Variants in ADGRB1 observed in about 807,000 individuals in gnomAD.
The protein encoded by ADGRB1 is adhesion G protein-coupled receptor B1, also known as brain-specific angiogenesis inhibitor 1.
Under a neutral mutation model 175.7 loss-of-function variants are expected in ADGRB1, and 36 were observed. The ratio of observed to expected loss-of-function variants is 0.20; its 90% CI spans 0.16 to 0.27. The LOEUF (loss-of-function observed/expected upper bound fraction) is 0.27. Among genes scored for constraint, ADGRB1 ranks in the 10% least tolerant of loss-of-function variants. The pLI is 1.00. For missense variants in ADGRB1, 1,731 were observed against 2,255.3 expected, an observed-to-expected ratio of 0.77 and a Z score of 4.71; for synonymous variants, 1,054 against 979.4, an observed-to-expected ratio of 1.08 and a Z score of -1.42.
At chr8:142,532,223 G>A (rs980990697) in intron 24 of ADGRB1, among the ~76,000 whole-genome samples, 2 of 152,188 alleles carry the variant, frequency 1.3e-5, no homozygotes, top group African/African-American at 2.4e-5. Context: ...GGCCTCCTGC[G>A]GGCAGGCACA....
intron 14 of ADGRB1, among the ~76,000 whole-genome samples, 172 bp from the exon 15 acceptor site, chr8:142,488,863 G>C (rs1402356186): frequency 6.6e-6 from 1 of 152,200 alleles, no homozygotes; most frequent in African/African-American, 2.4e-5. Context: ...CCAGCTCCCT[G>C]GCTGCAGCAC....
chr8:142,544,437 G>C lies in ADGRB1; in HGVS notation c.*20G>C. The C allele has an allele frequency of 2.1e-6, 3 of 1,455,182 alleles. No individual in the cohort carries two copies. Among genetic ancestry groups the C allele is most frequent in the Non-Finnish European group, 2.7e-6 (3 of 1,104,066 alleles). The allele number at this position is 1,455,182 out of a possible 1,614,324, so 90.1% of individuals were successfully genotyped here. The stretch of plus-strand genomic sequence containing the variant: ...GTCTGAGCGGGTGGGCGGCGGCCAC[G>C]CACTGGGCCACGGAGGAGGGATGCT... On this transcript the variant is annotated 3_prime_UTR_variant, in exon 31 of 31. Transcript: ENST00000517894.
chr8:142,481,667 AT>A lies in ADGRB1; in HGVS notation c.2090del (p.Phe697SerfsTer60). The A allele has an allele frequency of 6.2e-7, 1 of 1,604,994 alleles. No homozygotes were observed. On this transcript the variant is annotated frameshift_variant, in exon 11 of 31. Coordinates refer to ENST00000517894, the MANE Select transcript of ADGRB1 (RefSeq NM_001702.3). LOFTEE classifies it high-confidence loss of function. Reference protein sequence around the residue: ...TIDVLRNMTEIFRRAYYSPTP... With the variant: ...TIDVLRNMTEXFRRAYYSPTP... ...CGATGTCCTGAGGAACATGACAGAGATTTTCCGGAGAGCGTACTACAGCCCC... is the reference window on the plus strand; with the variant it reads ...CGATGTCCTGAGGAACATGACAGAGATTTCCGGAGAGCGTACTACAGCCCC...
chr8:142,536,616 C>T (rs192788375), intron 25 of ADGRB1, among the ~76,000 whole-genome samples: 1,588 of 152,238 alleles, frequency 0.01, 31 homozygotes, highest in Admixed American at 0.048. Context: ...GAGGAGGCAA[C>T]GACATTGAGG....
At position 142,488,430 on chromosome 8, in the gene ADGRB1, G is replaced by A. The variant is rs773487037; in HGVS notation, c.2375G>A (p.Arg792Gln). Residue 792 changes from arginine (R) to glutamine (Q), a missense_variant, in exon 14 of 31, where the codon CGG (arginine) becomes CAG (glutamine). This residue lies in a region of ADGRB1 where 388 missense variants were observed against 630.9 expected (regional missense o/e 0.61). Coordinates refer to ENST00000517894, the MANE Select transcript of ADGRB1 (RefSeq NM_001702.3). ...ATCAGCTTCCCCATGAAGGGCTGGCGGGCCACGGGTGACTGGGCCAAGGTG... is the reference window on the plus strand; with the variant it reads ...ATCAGCTTCCCCATGAAGGGCTGGCAGGCCACGGGTGACTGGGCCAAGGTG... ...TDISFPMKGW[R>Q]ATGDWAKVPE... 6.2e-6 allele frequency: 10 copies of A among 1,613,042 alleles called. No homozygotes were observed. The highest frequency in any genetic ancestry group is 1.1e-5 in the South Asian group (1 of 91,086).
At chr8:142,480,374 C>A (rs140423466) in intron 9 of ADGRB1, among the ~76,000 whole-genome samples, 1 of 152,286 alleles carries the variant, frequency 6.6e-6, no homozygotes, top group Non-Finnish European at 1.5e-5. Flanking sequence ...GTGTTCTCAT[C>A]TGTAGGATGA....
chr8:142,522,161 C>T (rs1400109017), intron 21 of ADGRB1, 46 bp downstream of exon 21: 1 of 1,586,384 alleles, frequency 6.3e-7, no homozygotes, highest in Non-Finnish European at 8.5e-7. Context: ...ACCCTTCCTC[C>T]CCCACTGCTT....
At chr8:142,476,248 G>A (rs1289258109) in intron 3 of ADGRB1, among the ~76,000 whole-genome samples, 1 of 152,228 alleles carries the variant, frequency 6.6e-6, no homozygotes, top group African/African-American at 2.4e-5. Context: ...CAGGAGCCTG[G>A]GGAGGGCCCC....
intron 24 of ADGRB1, among the ~76,000 whole-genome samples, chr8:142,527,971 G>GT (rs888689168): frequency 1.3e-5 from 2 of 152,216 alleles, no homozygotes; most frequent in African/African-American, 4.8e-5. Context: ...ACCTCACCCT[G>GT]TGTGTGCCAC....
intron 2 of ADGRB1, among the ~76,000 whole-genome samples, chr8:142,465,690 G>A (rs1840239132): frequency 6.6e-6 from 1 of 152,216 alleles, no homozygotes; most frequent in Admixed American, 6.5e-5. Flanking sequence ...AGCAATGAGA[G>A]CCTTGCACTA....
chr8:142,490,887 G>A (rs1841948494), intron 17 of ADGRB1, 72 bp downstream of exon 17: 3 of 1,523,046 alleles, frequency 2.0e-6, no homozygotes, highest in African/African-American at 1.4e-5. Flanking sequence ...CAGTAGGGGA[G>A]GGGTGCAGGT....
intron 25 of ADGRB1, among the ~76,000 whole-genome samples, chr8:142,533,959 C>T (rs1474776357): frequency 6.6e-6 from 1 of 152,238 alleles, no homozygotes; most frequent in African/African-American, 2.4e-5. Context: ...GCATGTCGAC[C>T]TGGGTGGCGT....
Position 142,536,971 on chromosome 8 carries a change from G to T in ADGRB1, c.3571-16G>T. ...GGGCGTGGCTGCCACTGAGGTGCTC[G>T]GCTCTCCCTCCCCAGGTCCAGGACG... is the stretch of plus-strand genomic sequence containing the variant. On this transcript the variant is annotated splice_polypyrimidine_tract_variant and intron_variant, in intron 25 of 30. Transcript: ENST00000517894. 6.4e-7 allele frequency: 1 copy of T among 1,569,730 alleles called. No individual in the cohort carries two copies. Among genetic ancestry groups the T allele is most frequent in the Non-Finnish European group, 8.6e-7 (1 of 1,159,116 alleles).
rs1374572477 is a variant in ADGRB1, at chr8:142,455,913, G to T, written c.-220+5809G>T. 6.6e-6 allele frequency among the ~76,000 whole-genome samples: 1 copy of T among 152,160 alleles called. No homozygotes were observed. Among genetic ancestry groups the T allele is most frequent in the Non-Finnish European group, 1.5e-5 (1 of 68,028 alleles). ...GTTGGCATCTCTGTGACAGGAGGGT[G>T]GGTGGCCCTACCTGCCTGTCCCGGA... is the stretch of plus-strand genomic sequence containing the variant. On this transcript the variant is annotated intron_variant, in intron 1 of 30. Coordinates refer to ENST00000517894, the MANE Select transcript of ADGRB1 (RefSeq NM_001702.3). This position sits in a 1 kb window ranked among gnomAD's most constrained non-coding sequence, Gnocchi z 4.9.
chr8:142,535,423 G>C (rs980010951), intron 25 of ADGRB1, among the ~76,000 whole-genome samples: 1 of 152,204 alleles, frequency 6.6e-6, no homozygotes. Context: ...TGAGCTCCCA[G>C]CCCCTGTGTG....
chr8:142,479,896 G>A, intron 9 of ADGRB1, 102 bp downstream of exon 9: 1 of 1,293,108 alleles, frequency 7.7e-7, no homozygotes, highest in East Asian at 2.4e-5. Context: ...CCCAGACACG[G>A]AGCCCAGACA....
chr8:142,516,079 C>T (rs1201644808), intron 18 of ADGRB1, among the ~76,000 whole-genome samples: 1 of 152,206 alleles, frequency 6.6e-6, no homozygotes, highest in East Asian at 1.9e-4. Flanking sequence ...GCACCTGGTA[C>T]ACTTGGGCAG....
intron 24 of ADGRB1, 41 bp downstream of exon 24, chr8:142,526,668 C>T: frequency 6.4e-7 from 1 of 1,570,394 alleles, no homozygotes; most frequent in African/African-American, 1.3e-5. Flanking sequence ...ACCCGGAGTG[C>T]AAGACCCAGA....
intron 24 of ADGRB1, among the ~76,000 whole-genome samples, chr8:142,528,916 G>T (rs10092230): frequency 1.3e-5 from 2 of 152,332 alleles, no homozygotes; most frequent in Non-Finnish European, 2.9e-5. Flanking sequence ...TGTGGGCTGC[G>T]CTGCGGTAGG....
Sources: allele counts gnomAD v4.1 joint callset (sites outside exome capture counted in the v4.1 genomes callset), GRCh38; gene constraint gnomAD v4.1.1; regional missense constraint gnomAD v4.1.1; non-coding constraint Gnocchi (gnomAD v3.1); transcripts MANE v1.5; gene names NCBI Gene and HGNC (gene_info 2026-07-23, HGNC 2026-07-21).